IMMP2L: variants seen among roughly 807,000 people sequenced by gnomAD.
IMMP2L encodes the protein inner mitochondrial membrane peptidase subunit 2.
Under a neutral mutation model 19.3 loss-of-function variants are expected in IMMP2L, and 18 were observed. That is an observed-to-expected ratio of 0.93 (90% CI 0.64 to 1.38). The LOEUF is 1.38. IMMP2L is among the 40% of genes most tolerant of loss of function. The probability of loss-of-function intolerance (pLI) is 0.00; values close to 1 mark genes in which losing one functional copy is unlikely to be tolerated. For synonymous variants in IMMP2L, 76 were observed against 73.0 expected (o/e 1.04, Z -0.21); for missense variants, 233 against 218.2 (o/e 1.07, Z -0.43).
intron 5 of IMMP2L, among the ~76,000 whole-genome samples, chr7:110,690,972 C>T (rs1793456125): frequency 6.6e-6 from 1 of 151,778 alleles, no homozygotes; most frequent in South Asian, 2.1e-4. Flanking sequence ...AAAAACAGTC[C>T]CCAAATTAAT....
intron 3 of IMMP2L, among the ~76,000 whole-genome samples, chr7:111,176,728 C>A (rs1807105493): frequency 6.6e-6 from 1 of 151,654 alleles, no homozygotes; most frequent in Admixed American, 6.6e-5. Flanking sequence ...GGGTAACTAC[C>A]ATCAACAATA....
At chr7:111,149,951 T>C (rs10261591) in intron 3 of IMMP2L, among the ~76,000 whole-genome samples, 110,758 of 152,066 alleles carry the variant, frequency 0.73, 42,553 homozygotes, top group East Asian at 0.91. Context: ...CGTGAAGTAA[T>C]ACACTGACAG....
At chr7:110,980,076 C>T (rs1332961127) in intron 3 of IMMP2L, among the ~76,000 whole-genome samples, 2 of 151,948 alleles carry the variant, frequency 1.3e-5, no homozygotes, top group African/African-American at 4.8e-5. Flanking sequence ...CTCATCTGTA[C>T]AATAAAAAGC....
intron 1 of IMMP2L, among the ~76,000 whole-genome samples, chr7:111,544,510 C>T (rs1848748081): frequency 6.6e-6 from 1 of 152,046 alleles, no homozygotes; most frequent in Admixed American, 6.6e-5. Context: ...AAAACATCAA[C>T]AAAGCAACTA....
intron 5 of IMMP2L, among the ~76,000 whole-genome samples, chr7:110,831,617 G>A (rs947260231): frequency 6.6e-6 from 1 of 152,080 alleles, no homozygotes; most frequent in East Asian, 1.9e-4. Context: ...AATGAAAACC[G>A]AAATGGAAAC....
intron 4 of IMMP2L, among the ~76,000 whole-genome samples, chr7:110,904,613 T>C (rs1184782115): frequency 6.6e-6 from 1 of 152,214 alleles, no homozygotes; most frequent in African/African-American, 2.4e-5. Context: ...AGCTATACGC[T>C]TGTTTTTATT....
At chr7:110,828,543 C>T (rs562237771) in intron 5 of IMMP2L, among the ~76,000 whole-genome samples, 1 of 152,266 alleles carries the variant, frequency 6.6e-6, no homozygotes, top group South Asian at 2.1e-4. Flanking sequence ...GTCTCCTCCC[C>T]TGATACTCCT....
chr7:110,977,578 G>A (rs1475438690), intron 3 of IMMP2L, among the ~76,000 whole-genome samples: 1 of 151,976 alleles, frequency 6.6e-6, no homozygotes, highest in East Asian at 1.9e-4. Flanking sequence ...TGTGAAGTCT[G>A]TGTTGTGGTT....
chr7:111,084,215 G>A (rs982574882), intron 3 of IMMP2L, among the ~76,000 whole-genome samples: 1 of 150,460 alleles, frequency 6.6e-6, no homozygotes, highest in Non-Finnish European at 1.5e-5. Context: ...AAATCAAGTT[G>A]TATATGGTGA....
In IMMP2L at chr7:110,758,174, G is replaced by A. The variant is rs1036083699; in HGVS notation, c.409-94453C>T. ...TGAGGATGAAGAATGGATAAGTGAA[G>A]TTAGCCTCTTGGAGTCATTATTAAC... On this transcript the variant is annotated intron_variant, in intron 5 of 5. Coordinates refer to ENST00000405709, the MANE Select transcript of IMMP2L (RefSeq NM_032549.4). This position sits in a 1 kb window ranked among gnomAD's most constrained non-coding sequence, Gnocchi z 4.6. Among the ~76,000 whole-genome samples the A allele has an allele frequency of 1.3e-5, 2 of 152,046 alleles. No homozygotes were observed. Among genetic ancestry groups the A allele is most frequent in the African/African-American group, 2.4e-5 (1 of 41,430 alleles).
chr7:110,756,290 G>A (rs1249524150), intron 5 of IMMP2L, among the ~76,000 whole-genome samples: 1 of 152,094 alleles, frequency 6.6e-6, no homozygotes, highest in Non-Finnish European at 1.5e-5. Context: ...GGCTCATGGA[G>A]AATAAAGAGG....
intron 3 of IMMP2L, among the ~76,000 whole-genome samples, chr7:111,369,967 G>A (rs1830115606): frequency 6.6e-6 from 1 of 151,856 alleles, no homozygotes; most frequent in South Asian, 2.1e-4. Context: ...AGAAAACAAT[G>A]GTATTTAGTA....
chr7:111,374,780 G>A (rs1176146195), intron 3 of IMMP2L, among the ~76,000 whole-genome samples: 1 of 152,106 alleles, frequency 6.6e-6, no homozygotes. Context: ...AAAACAAAGT[G>A]TTGAGGTTAT....
chr7:110,693,874 T>C (rs1793681556), intron 5 of IMMP2L, among the ~76,000 whole-genome samples: 1 of 152,122 alleles, frequency 6.6e-6, no homozygotes, highest in Admixed American at 6.6e-5. Flanking sequence ...AGCTAGTCTT[T>C]CTGGGGTACT....
At chr7:111,243,514 A>ATTT (rs11427623) in intron 3 of IMMP2L, among the ~76,000 whole-genome samples, 7 of 141,668 alleles carry the variant, frequency 4.9e-5, no homozygotes, top group Non-Finnish European at 7.6e-5. Context: ...TTGTTGCTTT[A>ATTT]TTTTTTTTTT....
chr7:110,882,356 C>CCT (rs370206224), intron 5 of IMMP2L, among the ~76,000 whole-genome samples: 2,731 of 124,870 alleles, frequency 0.022, 122 homozygotes, highest in African/African-American at 0.089. Context: ...TTCCTCTCTC[C>CCT]CTCTCTCTCT....
intron 3 of IMMP2L, among the ~76,000 whole-genome samples, chr7:111,425,585 G>T (rs1190584401): frequency 1.3e-5 from 2 of 151,074 alleles, no homozygotes; most frequent in African/African-American, 4.9e-5. Context: ...ACAGAAAAGT[G>T]ATAAGATATG....
At chr7:110,864,563 T>G (rs1488531410) in intron 5 of IMMP2L, among the ~76,000 whole-genome samples, 2 of 152,054 alleles carry the variant, frequency 1.3e-5, no homozygotes, top group East Asian at 3.9e-4. Context: ...CTTTTGAAGT[T>G]TTCTGTTGTT....
intron 4 of IMMP2L, among the ~76,000 whole-genome samples, chr7:110,953,815 C>A (rs951467900): frequency 6.6e-6 from 1 of 152,122 alleles, no homozygotes; most frequent in African/African-American, 2.4e-5. Flanking sequence ...TTCTCCACAT[C>A]CTCTCCAGCA....
Sources: allele counts gnomAD v4.1 joint callset (sites outside exome capture counted in the v4.1 genomes callset), GRCh38; gene constraint gnomAD v4.1.1; non-coding constraint Gnocchi (gnomAD v3.1); transcripts MANE v1.5; gene names NCBI Gene and HGNC (gene_info 2026-07-23, HGNC 2026-07-21).